Variants in ADGRL4 observed in about 807,000 individuals in gnomAD.
ADGRL4 encodes EGF, latrophilin and seven transmembrane domain containing 1.
ADGRL4 carries 90 observed loss-of-function variants against 74.8 expected under a neutral mutation model. The observed-to-expected ratio is 1.20, with a 90% CI of 1.02 to 1.43. ADGRL4 has a LOEUF of 1.43. ADGRL4 is among the 40% of genes most tolerant of loss of function. The pLI is 0.00. For synonymous variants in ADGRL4, 311 were observed against 279.2 expected, an observed-to-expected ratio of 1.11 and a Z score of -1.14; for missense variants, 881 against 814.3, an observed-to-expected ratio of 1.08 and a Z score of -1.00.
chr1:78,962,393 TC>T (rs1649972651), intron 2 of ADGRL4, among the ~76,000 whole-genome samples: 2 of 152,118 alleles, frequency 1.3e-5, no homozygotes, highest in Non-Finnish European at 1.5e-5. Context: ...CCAAATATTC[TC>T]CTACAATAAA....
chr1:78,935,003 A>T (rs13374294), intron 7 of ADGRL4, among the ~76,000 whole-genome samples: 72,258 of 151,864 alleles, frequency 0.48, 17,754 homozygotes, highest in Middle Eastern at 0.55. Flanking sequence ...GTGATTCCTC[A>T]AGGATCTAGA....
chr1:78,957,332 G>A (rs1649856872), intron 2 of ADGRL4, among the ~76,000 whole-genome samples: 1 of 152,132 alleles, frequency 6.6e-6, no homozygotes, highest in East Asian at 1.9e-4. Context: ...AGTGAGGAAG[G>A]CATGTCAAAA....
rs372199429 is a variant in ADGRL4 at position 79,004,436 on chromosome 1, T to C, written c.172+634A>G. Among the ~76,000 whole-genome samples the C allele has an allele frequency of 2.6e-4, 40 of 152,160 alleles. 1 individual carries two copies. The South Asian group carries it at 8.1e-3, about 31-fold the overall frequency. On this transcript the variant is annotated intron_variant, in intron 2 of 14. Coordinates refer to ENST00000370742, the MANE Select transcript of ADGRL4 (RefSeq NM_022159.4). ...TTACGTAAATTTGATTATCAGATGG[T>C]GTTCTGCTGATCAAATCAATGGGCT...
At chr1:78,989,438 T>C (rs763434547) in intron 2 of ADGRL4, among the ~76,000 whole-genome samples, 3 of 151,820 alleles carry the variant, frequency 2.0e-5, no homozygotes, top group Non-Finnish European at 2.9e-5. Context: ...AAAGAACGCT[T>C]ACTTTCTTAC....
chr1:78,893,217 A>T (rs1320851405), intron 12 of ADGRL4, 28 bp from the exon 13 acceptor site: 1 of 1,408,954 alleles, frequency 7.1e-7, no homozygotes, highest in Non-Finnish European at 9.9e-7. Context: ...TTCAAAGAAG[A>T]GATAGTTTTC....
intron 2 of ADGRL4, among the ~76,000 whole-genome samples, chr1:78,953,928 A>G (rs984420011): frequency 3.3e-5 from 5 of 152,192 alleles, no homozygotes; most frequent in Admixed American, 6.5e-5. Flanking sequence ...AAAGGCAATC[A>G]TCTGAGGTCA....
rs1259020471 is a variant in ADGRL4, at chr1:78,889,874, G to C, written c.*1280C>G. ...TTTAGTGTATTGGCACACTTTTACAGGTCGGCAAAGAAAAATTACCTATTT... is the reference window on the plus strand; with the variant it reads ...TTTAGTGTATTGGCACACTTTTACACGTCGGCAAAGAAAAATTACCTATTT... On this transcript the variant is annotated 3_prime_UTR_variant, in exon 15 of 15. Coordinates refer to ENST00000370742, the MANE Select transcript of ADGRL4 (RefSeq NM_022159.4). 2.2e-6 allele frequency: 1 copy of C among 446,304 alleles called. No individual in the cohort carries two copies. The highest frequency in any genetic ancestry group is 1.7e-5 in the South Asian group (1 of 59,844). The allele number at this position is 446,304 out of a possible 1,614,324, so 27.6% of individuals were successfully genotyped here. A position where few individuals can be genotyped will look rare whatever the true frequency, so the allele number is the denominator to read the frequency against.
chr1:78,904,527 G>A (rs952990959), intron 12 of ADGRL4, among the ~76,000 whole-genome samples: 18 of 151,882 alleles, frequency 1.2e-4, no homozygotes, highest in Non-Finnish European at 2.1e-4. Context: ...ACTAATAAAT[G>A]AAAGACATTT....
At chr1:78,915,055 T>C (rs1431388302) in intron 12 of ADGRL4, among the ~76,000 whole-genome samples, 7 of 151,936 alleles carry the variant, frequency 4.6e-5, no homozygotes, top group Non-Finnish European at 1.0e-4. Context: ...TTCTCTTCAT[T>C]GTACATATCT....
At chr1:78,896,734 A>C (rs912479098) in intron 12 of ADGRL4, among the ~76,000 whole-genome samples, 5 of 152,130 alleles carry the variant, frequency 3.3e-5, no homozygotes, top group African/African-American at 9.7e-5. Context: ...TGTAAGTCAG[A>C]TCTTTTCACT....
chr1:78,979,392 G>C (rs558102013), intron 2 of ADGRL4, among the ~76,000 whole-genome samples: 29 of 151,884 alleles, frequency 1.9e-4, no homozygotes, highest in African/African-American at 6.5e-4. Flanking sequence ...AACCTATGAA[G>C]TACTTGAAGA....
chr1:78,912,781 T>A (rs2100664239), intron 12 of ADGRL4, among the ~76,000 whole-genome samples: 1 of 151,824 alleles, frequency 6.6e-6, no homozygotes, highest in East Asian at 1.9e-4. Flanking sequence ...TTAAAAAAAA[T>A]TGGCAAATGT....
Position 78,891,413 on chromosome 1 carries a change from T to C in ADGRL4, c.2010+111A>G, listed in dbSNP as rs1648270287. On this transcript the variant is annotated intron_variant, in intron 14 of 14. Coordinates refer to ENST00000370742, the MANE Select transcript of ADGRL4 (RefSeq NM_022159.4). The stretch of plus-strand genomic sequence containing the variant: ...TTTTCCTATGAACAGCTAGGCGATT[T>C]AGGCAATAAAGGCAGAAGTCATAAA... 5.4e-6 allele frequency: 7 copies of C among 1,294,272 alleles called. No homozygotes were observed. The African/African-American group carries it at 9.0e-5, about 17-fold the overall frequency. The allele number at this position is 1,294,272 out of a possible 1,614,324, so 80.2% of individuals were successfully genotyped here.
At chr1:78,979,661 G>A (rs1026933800) in intron 2 of ADGRL4, among the ~76,000 whole-genome samples, 2 of 151,818 alleles carry the variant, frequency 1.3e-5, no homozygotes. Flanking sequence ...GTGCCCATCA[G>A]CCAATGAGTG....
At chr1:78,921,008 A>T (rs560382755) in intron 9 of ADGRL4, among the ~76,000 whole-genome samples, 8 of 151,756 alleles carry the variant, frequency 5.3e-5, no homozygotes, top group African/African-American at 1.7e-4. Context: ...ATATTTAATG[A>T]TAGATTATAA....
At chr1:78,898,548 G>T (rs1648447041) in intron 12 of ADGRL4, among the ~76,000 whole-genome samples, 1 of 151,190 alleles carries the variant, frequency 6.6e-6, no homozygotes. Flanking sequence ...TGTCAGCTTG[G>T]GTTCCATGAT....
intron 1 of ADGRL4, 106 bp from the exon 2 acceptor site, chr1:79,005,325 G>T: frequency 3.3e-6 from 3 of 901,408 alleles, no homozygotes; most frequent in Non-Finnish European, 4.6e-6. Context: ...TTTCTATTTA[G>T]ATAAATGGAT....
At chr1:79,004,980 A>T (rs1650928763) in intron 2 of ADGRL4, 90 bp downstream of exon 2, 3 of 1,284,104 alleles carry the variant, frequency 2.3e-6, no homozygotes, top group Non-Finnish European at 3.2e-6. Flanking sequence ...GTATAACACA[A>T]AACAAGTTAG....
At chr1:78,895,440 A>G (rs1430696851) in intron 12 of ADGRL4, among the ~76,000 whole-genome samples, 2 of 152,000 alleles carry the variant, frequency 1.3e-5, no homozygotes, top group African/African-American at 4.8e-5. Context: ...ATCCTTATAA[A>G]TCTACAAACT....
Sources: gnomAD v4.1 joint callset for allele counts (sites outside exome capture counted in the v4.1 genomes callset) on GRCh38, gnomAD v4.1.1 for gene constraint, MANE v1.5 for transcripts, NCBI Gene and HGNC (gene_info 2026-07-23, HGNC 2026-07-21) for gene names.